Variants in IGSF11 observed in about 807,000 individuals in gnomAD.
IGSF11 encodes the protein immunoglobulin superfamily member 11, also known as CXADR like 1.
IGSF11 carries 22 observed loss-of-function variants against 41.0 expected under a neutral mutation model. The ratio of observed to expected loss-of-function variants is 0.54; its 90% confidence interval spans 0.38 to 0.77. The LOEUF (loss-of-function observed/expected upper bound fraction) is 0.77. Ranked by LOEUF, IGSF11 falls within the 30% of genes least tolerant of loss-of-function variation. The probability of loss-of-function intolerance (pLI) is 0.00; values close to 1 mark genes in which losing one functional copy is unlikely to be tolerated. For missense variants in IGSF11, 444 were observed against 530.8 expected (o/e 0.84, Z 1.61); for synonymous variants, 219 against 201.3 (o/e 1.09, Z -0.74).
At chr3:119,031,771 A>T (rs1940424157) in intron 1 of IGSF11, among the ~76,000 whole-genome samples, 1 of 152,254 alleles carries the variant, frequency 6.6e-6, no homozygotes. Flanking sequence ...TAACAGGTGA[A>T]TCCTTCTAAA....
At chr3:119,097,940 G>A (rs1463611377) in intron 1 of IGSF11, among the ~76,000 whole-genome samples, 1 of 121,644 alleles carries the variant, frequency 8.2e-6, no homozygotes, top group East Asian at 2.4e-4. Context: ...ACAGGCACAT[G>A]CCACCACATT....
chr3:119,125,692 C>T (rs183795703), intron 1 of IGSF11, among the ~76,000 whole-genome samples: 12 of 152,264 alleles, frequency 7.9e-5, no homozygotes, highest in Non-Finnish European at 1.3e-4. Context: ...AATCATAATA[C>T]GCCTGTGAAT....
chr3:119,056,590 G>C (rs1941845608), intron 1 of IGSF11, among the ~76,000 whole-genome samples: 2 of 152,130 alleles, frequency 1.3e-5, no homozygotes, highest in Non-Finnish European at 2.9e-5. Context: ...CCAATTAACA[G>C]AAAAAGAGGG....
At chr3:118,912,085 A>G (rs1396463119) in intron 4 of IGSF11, among the ~76,000 whole-genome samples, 2 of 152,252 alleles carry the variant, frequency 1.3e-5, no homozygotes, top group African/African-American at 2.4e-5. Flanking sequence ...GAAAATAAAT[A>G]CACTATACTT....
At chr3:119,087,852 G>C (rs969574579) in intron 1 of IGSF11, among the ~76,000 whole-genome samples, 7 of 151,944 alleles carry the variant, frequency 4.6e-5, no homozygotes, top group Non-Finnish European at 1.0e-4. Context: ...TAATGATAAA[G>C]GGTACAATCT....
chr3:118,912,855 C>T (rs1940509122), intron 4 of IGSF11, among the ~76,000 whole-genome samples: 1 of 151,874 alleles, frequency 6.6e-6, no homozygotes, highest in African/African-American at 2.4e-5. Context: ...TAGAAATAGC[C>T]AGGTGCTGTG....
chr3:119,128,759 T>C lies in IGSF11; in HGVS notation c.-14+17054A>G, dbSNP rs2077438342. 2.6e-5 allele frequency among the ~76,000 whole-genome samples: 4 copies of C among 152,168 alleles called. No individual in the cohort carries two copies. In the South Asian group the frequency reaches 6.2e-4, roughly 24 times the overall value. On this transcript the variant is annotated intron_variant, in intron 1 of 7. Coordinates refer to the IGSF11 transcript ENST00000425327. The stretch of plus-strand genomic sequence containing the variant: ...ACCATTGTGGAAGAGAGTATGGCAA[T>C]TCCTCAAGAATCTAGAACCAGAAAT...
chr3:118,961,987 T>G lies in IGSF11; in HGVS notation c.53-31712A>C, dbSNP rs911843771. 3.3e-5 allele frequency among the ~76,000 whole-genome samples: 5 copies of G among 152,322 alleles called. 1 individual carries two copies. Among genetic ancestry groups the G allele is most frequent in the East Asian group, 1.9e-4 (1 of 5,190 alleles). ...ATGAAAGTTATTTCAGAAGGAACACTAATTATATGTGATTTACAGATAGGT... is the reference window on the plus strand; with the variant it reads ...ATGAAAGTTATTTCAGAAGGAACACGAATTATATGTGATTTACAGATAGGT... On this transcript the variant is annotated intron_variant, in intron 1 of 6. Coordinates refer to ENST00000393775, the MANE Select transcript of IGSF11 (RefSeq NM_001015887.3).
At chr3:119,075,078 A>G (rs1161692136) in intron 1 of IGSF11, among the ~76,000 whole-genome samples, 4 of 152,170 alleles carry the variant, frequency 2.6e-5, no homozygotes, top group African/African-American at 9.6e-5. Flanking sequence ...TAAGATAGAT[A>G]TACCACTAGC....
chr3:118,965,966 AGG>A (rs2107609530), intron 1 of IGSF11, among the ~76,000 whole-genome samples: 1 of 152,136 alleles, frequency 6.6e-6, no homozygotes, highest in South Asian at 2.1e-4. Context: ...AGAAAAGACC[AGG>A]CAAGATTAAG....
upstream of IGSF11, among the ~76,000 whole-genome samples, chr3:119,107,408 T>C (rs1432887449): frequency 6.6e-6 from 1 of 152,238 alleles, no homozygotes; most frequent in East Asian, 1.9e-4. Flanking sequence ...TCTGTTCATA[T>C]CCTTCACCCA....
At chr3:118,989,669 A>C (rs1935601890) in intron 1 of IGSF11, among the ~76,000 whole-genome samples, 1 of 152,148 alleles carries the variant, frequency 6.6e-6, no homozygotes, top group Non-Finnish European at 1.5e-5. Flanking sequence ...ATAGCATTTT[A>C]ATAGTAATTT....
At chr3:119,097,957 ATTTTTTTTTTTTTTT>A (rs377746200) in intron 1 of IGSF11, among the ~76,000 whole-genome samples, 1 of 58,360 alleles carries the variant, frequency 1.7e-5, no homozygotes, top group African/African-American at 5.7e-5. Context: ...CATTCAGCTA[ATTTTTTTTTTTTTTT>A]TTTTTTTTTT....
At chr3:119,108,014 G>C, upstream of IGSF11, among the ~76,000 whole-genome samples, 1 of 149,834 alleles carries the variant, frequency 6.7e-6, no homozygotes, top group South Asian at 2.1e-4. Flanking sequence ...TTTGAAGTCA[G>C]GTAGTGTGAT....
chr3:119,102,818 T>C (rs1370343647), intron 1 of IGSF11, among the ~76,000 whole-genome samples: 4 of 152,156 alleles, frequency 2.6e-5, no homozygotes, highest in Non-Finnish European at 5.9e-5. Flanking sequence ...AAGACCTTCA[T>C]TCCTATAATA....
At chr3:118,953,280 C>G (rs949348138) in intron 1 of IGSF11, among the ~76,000 whole-genome samples, 2 of 151,994 alleles carry the variant, frequency 1.3e-5, no homozygotes, top group African/African-American at 4.8e-5. Context: ...ACCACAATTT[C>G]TTTATCCACT....
intron 1 of IGSF11, among the ~76,000 whole-genome samples, chr3:119,143,514 A>G (rs1373464855): frequency 6.6e-6 from 1 of 152,186 alleles, no homozygotes; most frequent in Non-Finnish European, 1.5e-5. Flanking sequence ...ATGATACACT[A>G]TAAAAAAAAT....
At chr3:119,034,930 C>A, upstream of IGSF11, 1 of 819,098 alleles carries the variant, frequency 1.2e-6, no homozygotes, top group Non-Finnish European at 1.5e-6. Flanking sequence ...CCTCGCCGCG[C>A]CGCCCACTCG....
chr3:119,130,501 G>T (rs941355107), intron 1 of IGSF11, among the ~76,000 whole-genome samples: 2 of 152,220 alleles, frequency 1.3e-5, no homozygotes, highest in African/African-American at 2.4e-5. Context: ...AGCCTGGCGG[G>T]GGGAGGGGCA....
Sources: allele counts gnomAD v4.1 joint callset (sites outside exome capture counted in the v4.1 genomes callset), GRCh38; gene constraint gnomAD v4.1.1; transcripts MANE v1.5; gene names NCBI Gene and HGNC (gene_info 2026-07-23, HGNC 2026-07-21).